The following PCDHA7 variants were observed in gnomAD, a reference collection of about 807,000 sequenced individuals.
PCDHA7 encodes the protein protocadherin alpha-7.
A neutral mutation model predicts 57.2 loss-of-function variants in PCDHA7; 37 were observed. The ratio of observed to expected loss-of-function variants is 0.65; its 90% CI spans 0.50 to 0.85. PCDHA7 has a LOEUF of 0.85. Among genes scored for constraint, PCDHA7 ranks in the 40% least tolerant of loss-of-function variants. The pLI, the probability that PCDHA7 is intolerant of heterozygous loss-of-function variation, is 0.00. For synonymous variants in PCDHA7, 553 were observed against 558.8 expected (o/e 0.99, Z 0.15); for missense variants, 1,188 against 1,241.8 (o/e 0.96, Z 0.65).
At chr5:140,884,864 T>C (rs1048751495) in intron 1 of PCDHA7, among the ~76,000 whole-genome samples, 1 of 152,234 alleles carries the variant, frequency 6.6e-6, no homozygotes, top group African/African-American at 2.4e-5. Flanking sequence ...TCACAAACCA[T>C]AATGAAATGT....
chr5:140,918,703 A>G (rs2153549940), intron 1 of PCDHA7, among the ~76,000 whole-genome samples: 1 of 152,306 alleles, frequency 6.6e-6, no homozygotes, highest in Non-Finnish European at 1.5e-5. Context: ...TTAAGTCATG[A>G]GGGCAGAGCC....
At chr5:140,978,805 T>G in intron 1 of PCDHA7, 144 bp from the exon 2 acceptor site, 4 of 1,492,524 alleles carry the variant, frequency 2.7e-6, no homozygotes, top group Non-Finnish European at 3.6e-6. Flanking sequence ...GTAGATATCA[T>G]CATAGAGTTA....
chr5:140,899,127 C>T (rs1487430888), intron 1 of PCDHA7, among the ~76,000 whole-genome samples: 16 of 152,302 alleles, frequency 1.1e-4, no homozygotes, highest in African/African-American at 3.9e-4. Context: ...ACAATCATGT[C>T]TTCTGCAAAC....
At position 140,855,260 on chromosome 5, in the gene PCDHA7, A is replaced by G. The variant is rs146587233; in HGVS notation, c.2355+18522A>G. ...TACTATTGCAAGCACTTACTATATT[A>G]TAATTCACTCAACCACCGTATTACT... is the stretch of plus-strand genomic sequence containing the variant. On this transcript the variant is annotated intron_variant, in intron 1 of 3. Coordinates refer to ENST00000525929, the MANE Select transcript of PCDHA7 (RefSeq NM_018910.3). Among the ~76,000 whole-genome samples, 51 of 149,956 alleles carry G rather than the reference A, an allele frequency of 3.4e-4. No homozygotes were observed. In the East Asian group the frequency reaches 7.5e-3, roughly 22 times the overall value.
chr5:140,844,559 T>A (rs2150371995), intron 1 of PCDHA7, among the ~76,000 whole-genome samples: 6 of 149,706 alleles, frequency 4.0e-5, no homozygotes, highest in African/African-American at 1.5e-4. Flanking sequence ...AGTTGGAATA[T>A]TTTCAATAAT....
At chr5:140,925,349 A>G (rs4912732) in intron 1 of PCDHA7, among the ~76,000 whole-genome samples, 5,885 of 152,152 alleles carry the variant, frequency 0.039, 171 homozygotes, top group Non-Finnish European at 0.058. Flanking sequence ...TTGAGTGAGG[A>G]ATTTAGTGCT....
Position 140,856,142 on chromosome 5 carries a change from T to C in PCDHA7, c.2355+19404T>C. 6.3e-7 allele frequency: 1 copy of C among 1,598,234 alleles called. No homozygotes were observed. Among genetic ancestry groups the C allele is most frequent in the Non-Finnish European group, 8.6e-7 (1 of 1,167,842 alleles). ...GGAGGTGGGGAGCGGCCAGCTCCAC[T>C]ACTCAGTCTACGAGGAGGCCAGACA... On this transcript the variant is annotated intron_variant, in intron 1 of 3. Transcript: ENST00000525929.
chr5:140,927,362 G>A, intron 1 of PCDHA7: 1 of 1,614,030 alleles, frequency 6.2e-7, no homozygotes, highest in Non-Finnish European at 8.5e-7. Context: ...GGAAGCAATG[G>A]GATACTAAGC....
chr5:140,893,210 G>C (rs2063874103), intron 1 of PCDHA7, among the ~76,000 whole-genome samples: 1 of 152,204 alleles, frequency 6.6e-6, no homozygotes, highest in Non-Finnish European at 1.5e-5. Flanking sequence ...GTAAGTATGG[G>C]AGGTGCAGGT....
intron 3 of PCDHA7, among the ~76,000 whole-genome samples, chr5:141,007,174 G>A (rs926344346): frequency 6.6e-6 from 1 of 152,118 alleles, no homozygotes; most frequent in African/African-American, 2.4e-5. Context: ...AGAGAGAAAG[G>A]TCAGGAGAAT....
At chr5:140,926,584 C>T in intron 1 of PCDHA7, 1 of 285,400 alleles carries the variant, frequency 3.5e-6, no homozygotes, top group Non-Finnish European at 6.4e-6. Context: ...GCACCTCTCG[C>T]GCCCGGGCGG....
At chr5:140,910,105 T>C (rs1021391817) in intron 1 of PCDHA7, among the ~76,000 whole-genome samples, 11 of 152,202 alleles carry the variant, frequency 7.2e-5, no homozygotes, top group African/African-American at 2.7e-4. Flanking sequence ...CCCCTTCATT[T>C]AAGGGATTCT....
intron 1 of PCDHA7, among the ~76,000 whole-genome samples, chr5:140,845,869 C>A (rs1190017155): frequency 6.7e-6 from 1 of 149,586 alleles, no homozygotes; most frequent in Non-Finnish European, 1.5e-5. Flanking sequence ...TGCAGAAAGG[C>A]AACCTAAAAT....
At chr5:140,927,092 G>T in intron 1 of PCDHA7, 1 of 1,612,746 alleles carries the variant, frequency 6.2e-7, no homozygotes, top group Non-Finnish European at 8.5e-7. Flanking sequence ...CTCTACTTCG[G>T]GGTGGATCTA....
At chr5:140,909,235 A>G (rs1554193708) in intron 1 of PCDHA7, among the ~76,000 whole-genome samples, 1 of 152,182 alleles carries the variant, frequency 6.6e-6, no homozygotes, top group African/African-American at 2.4e-5. Flanking sequence ...TAGGATGGTA[A>G]AGATATATTG....
chr5:140,849,133 C>T, intron 1 of PCDHA7: 2 of 1,357,922 alleles, frequency 1.5e-6, no homozygotes, highest in South Asian at 2.6e-5. Flanking sequence ...TTATTGCTCA[C>T]GGCCACCGAT....
chr5:140,969,826 A>G (rs782339572), intron 1 of PCDHA7, among the ~76,000 whole-genome samples: 24 of 152,344 alleles, frequency 1.6e-4, no homozygotes, highest in Middle Eastern at 3.4e-3. Flanking sequence ...TGGACTGTCT[A>G]CAGTGGAAAT....
intron 1 of PCDHA7, among the ~76,000 whole-genome samples, chr5:140,944,359 T>C (rs1248806355): frequency 6.6e-6 from 1 of 152,092 alleles, no homozygotes; most frequent in African/African-American, 2.4e-5. Context: ...GGCTAATTTT[T>C]AATTTTTTAT....
intron 3 of PCDHA7, among the ~76,000 whole-genome samples, chr5:141,005,571 G>A (rs1053042213): frequency 4.0e-5 from 6 of 151,334 alleles, no homozygotes; most frequent in African/African-American, 4.9e-5. Context: ...GCATGGTGGC[G>A]CGTGCCTGTA....
Sources: gnomAD v4.1 joint callset for allele counts (sites outside exome capture counted in the v4.1 genomes callset) on GRCh38, gnomAD v4.1.1 for gene constraint, MANE v1.5 for transcripts, NCBI Gene and HGNC (gene_info 2026-07-23, HGNC 2026-07-21) for gene names.